Variants in GATC observed in about 807,000 individuals in gnomAD.
The protein encoded by GATC is glutamyl-tRNA(Gln) amidotransferase subunit C, mitochondrial.
A neutral mutation model predicts 14.4 loss-of-function variants in GATC; 11 were observed. The ratio of observed to expected loss-of-function variants is 0.77; its 90% CI spans 0.48 to 1.27. The LOEUF (loss-of-function observed/expected upper bound fraction) is 1.27. Ranked by LOEUF, GATC falls within the 50% of genes most tolerant of loss-of-function variation. GATC has a pLI of 0.00. For synonymous variants in GATC, 76 were observed against 79.3 expected, an observed-to-expected ratio of 0.96 and a Z score of 0.22; for missense variants, 204 against 183.0, an observed-to-expected ratio of 1.11 and a Z score of -0.66.
In GATC at chr12:120,460,219, G is replaced by T; in HGVS notation, c.*260G>T. On this transcript the variant is annotated 3_prime_UTR_variant, in exon 4 of 4. Coordinates refer to ENST00000551765, the MANE Select transcript of GATC (RefSeq NM_176818.3). The stretch of plus-strand genomic sequence containing the variant: ...GGAATTCACTTAACAGGCCTGTTCA[G>T]TATGGAAGACATTATTTATCTGCCT... 3.0e-6 allele frequency: 1 copy of T among 331,192 alleles called. No homozygotes were observed. Among genetic ancestry groups the T allele is most frequent in the Non-Finnish European group, 5.7e-6 (1 of 175,808 alleles). The allele number at this position is 331,192 out of a possible 1,614,324, so 20.5% of individuals were successfully genotyped here.
rs1373105091 is a variant in GATC, at chr12:120,462,695, A to T, written c.*2736A>T. ...CTATTATGTGACCATTTTGCCCATG[A>T]AGGAATCGAGGTCCCAAGAGTAGTT... On this transcript the variant is annotated 3_prime_UTR_variant, in exon 4 of 4. Transcript: ENST00000551765. 6.6e-6 allele frequency: 1 copy of T among 152,296 alleles called. No homozygotes were observed. The highest frequency in any genetic ancestry group is 1.5e-5 in the Non-Finnish European group (1 of 68,110). The allele number at this position is 152,296 out of a possible 1,614,324, so 9.4% of individuals were successfully genotyped here. A position where few individuals can be genotyped will look rare whatever the true frequency, so the allele number is the denominator to read the frequency against.
At chr12:120,449,916 C>T (rs1391023655) in intron 2 of GATC, among the ~76,000 whole-genome samples, 2 of 152,112 alleles carry the variant, frequency 1.3e-5, no homozygotes, top group African/African-American at 2.4e-5. Flanking sequence ...GTGCACGCCA[C>T]CACGCCCAGC....
rs35801170 is a variant in GATC at position 120,459,756 on chromosome 12, C to T, written c.359-151C>T. The T allele has an allele frequency of 0.69, 320,331 of 463,626 alleles. 112,841 individuals carry two copies. Among genetic ancestry groups the T allele is most frequent in the African/African-American group, 0.91 (44,391 of 48,640 alleles). The allele number at this position is 463,626 out of a possible 1,614,324, so 28.7% of individuals were successfully genotyped here. ...CTGTAGTCCCAGCTACTCTGGAGGCCGAGGCAGGAGAATGGCGTGAACCCC... is the reference window on the plus strand; with the variant it reads ...CTGTAGTCCCAGCTACTCTGGAGGCTGAGGCAGGAGAATGGCGTGAACCCC... On this transcript the variant is annotated intron_variant, in intron 3 of 3. Transcript: ENST00000551765.
Position 120,446,718 on chromosome 12 carries a change from T to C in GATC, c.143T>C (p.Phe48Ser). 6.2e-7 allele frequency: 1 copy of C among 1,613,834 alleles called. No individual in the cohort carries two copies. Among genetic ancestry groups the C allele is most frequent in the African/African-American group, 1.3e-5 (1 of 75,058 alleles). ...CTGGAGCGTCTAGCGCTTGTGGACTTCGGCAGCCGCGAGGCAGTGGCGCGA... is the reference window on the plus strand; with the variant it reads ...CTGGAGCGTCTAGCGCTTGTGGACTCCGGCAGCCGCGAGGCAGTGGCGCGA... ...EHLERLALVD[F>S]GSREAVARLE... The change falls in exon 2 of 4, where the codon TTC (phenylalanine) becomes TCC (serine). Residue 48 changes from phenylalanine (F) to serine (S), a missense_variant. Coordinates refer to ENST00000551765, the MANE Select transcript of GATC (RefSeq NM_176818.3).
chr12:120,458,924 G>C (rs531708164), intron 3 of GATC, among the ~76,000 whole-genome samples: 26 of 152,230 alleles, frequency 1.7e-4, no homozygotes, highest in African/African-American at 6.0e-4. Context: ...GCAGTGGCGC[G>C]ATCTCGGCTC....
At chr12:120,455,694 C>CT (rs977712544) in intron 2 of GATC, among the ~76,000 whole-genome samples, 11 of 151,020 alleles carry the variant, frequency 7.3e-5, no homozygotes, top group East Asian at 5.8e-4. Flanking sequence ...ACTTAGTTCT[C>CT]TTTTTTTTTG....
intron 2 of GATC, chr12:120,454,874 C>A (rs768903102): frequency 8.7e-6 from 2 of 228,784 alleles, no homozygotes; most frequent in South Asian, 4.6e-5. Flanking sequence ...AAAAAAAAAT[C>A]TAGTACAACT....
At chr12:120,457,045 G>A in intron 2 of GATC, 31 bp from the exon 3 acceptor site, 1 of 1,481,064 alleles carries the variant, frequency 6.8e-7, no homozygotes, top group East Asian at 2.3e-5. Flanking sequence ...CCTTCTCTGA[G>A]AGGGTAACCT....
rs1878337327 is a variant in GATC, at chr12:120,461,471, TAA to T, written c.*1515_*1516del. On this transcript the variant is annotated 3_prime_UTR_variant, in exon 4 of 4. Transcript: ENST00000551765. Reference sequence around the variant, plus strand: ...CTAATTTACAAGCTTGGCCTTGAATTAAAAGAGAACCCAGAACCCGCTCTTGG... The same window carrying T: ...CTAATTTACAAGCTTGGCCTTGAATTAAGAGAACCCAGAACCCGCTCTTGG... 1 of 152,134 alleles carries T rather than the reference TAA, an allele frequency of 6.6e-6. No individual in the cohort carries two copies. The highest frequency in any genetic ancestry group is 2.1e-4 in the South Asian group (1 of 4,820). The allele number at this position is 152,134 out of a possible 1,614,324, so 9.4% of individuals were successfully genotyped here.
chr12:120,456,884 G>T (rs991825097), intron 2 of GATC, among the ~76,000 whole-genome samples, 192 bp from the exon 3 acceptor site: 1 of 152,158 alleles, frequency 6.6e-6, no homozygotes, highest in Admixed American at 6.5e-5. Context: ...TTACTTCTCA[G>T]GGTTGTTCGG....
At position 120,457,171 on chromosome 12, in the gene GATC, C is replaced by T. The variant is rs757754380; in HGVS notation, c.350C>T (p.Ala117Val). 1 of 1,603,582 alleles carries T rather than the reference C, an allele frequency of 6.2e-7. No individual in the cohort carries two copies. The highest frequency in any genetic ancestry group is 1.1e-5 in the South Asian group (1 of 90,800). Residue 117 changes from alanine to valine, a missense_variant, in exon 3 of 4, where the codon GCC becomes GTC. Ala to Val is a moderately conservative substitution (Grantham distance 64, BLOSUM62 0). Transcript: ENST00000551765. ...SHRVVEEYFV[A>V]PPGNISLPKL... ...CGCGTCGTGGAGGAGTACTTTGTGG[C>T]CCCCCCAGGTACGTGCTGCCCAGAA...
intron 2 of GATC, among the ~76,000 whole-genome samples, chr12:120,451,754 A>C (rs1878051701): frequency 6.6e-6 from 1 of 152,064 alleles, no homozygotes; most frequent in African/African-American, 2.4e-5. Context: ...AAAAACAAAC[A>C]AACAAACAAA....
At chr12:120,456,123 G>A (rs140140302) in intron 2 of GATC, among the ~76,000 whole-genome samples, 104 of 152,254 alleles carry the variant, frequency 6.8e-4, no homozygotes, top group African/African-American at 2.3e-3. Context: ...GGCTACTACC[G>A]AATACCATAT....
In GATC at chr12:120,462,080, C is replaced by T. The variant is rs139360328; in HGVS notation, c.*2121C>T. The T allele has an allele frequency of 5.9e-5, 95 of 1,612,204 alleles. 1 individual carries two copies. Among genetic ancestry groups the T allele is most frequent in the African/African-American group, 2.8e-4 (21 of 74,904 alleles). On this transcript the variant is annotated 3_prime_UTR_variant, in exon 4 of 4. Coordinates refer to ENST00000551765, the MANE Select transcript of GATC (RefSeq NM_176818.3). ...ACCCCTGCTTTGGTATGGAGAGTCA[C>T]GGCCCCTTGACCCAGACCGAGACCG...
chr12:120,446,657 G>A lies in GATC; in HGVS notation c.82G>A (p.Gly28Ser). The A allele has an allele frequency of 6.2e-7, 1 of 1,610,406 alleles. No individual in the cohort carries two copies. Among genetic ancestry groups the A allele is most frequent in the African/African-American group, 1.3e-5 (1 of 75,062 alleles). The change falls in exon 2 of 4, where the codon GGC becomes AGC. Residue 28 changes from glycine (G) to serine (S), a missense_variant and splice_region_variant. Transcript: ENST00000551765. ...ACTCCCCGCCTCATCCCTCCTCCAG[G>A]GCAGTGGCCGGATCACGGCTGCGGT... The part of the protein sequence containing the change: ...QGFTSKADPQ[G>S]SGRITAAVIE...
intron 3 of GATC, 46 bp from the exon 4 acceptor site, chr12:120,459,861 A>AAAACAAAC: frequency 6.6e-7 from 1 of 1,526,606 alleles, no homozygotes. Flanking sequence ...TCTCAAAACA[A>AAAACAAAC]AAACAAACAA....
At position 120,455,407 on chromosome 12, in the gene GATC, G is replaced by A. The variant is rs1878156851; in HGVS notation, c.255-1669G>A. 2.6e-5 allele frequency among the ~76,000 whole-genome samples: 4 copies of A among 152,034 alleles called. No individual in the cohort carries two copies. The South Asian group carries it at 8.3e-4, about 32-fold the overall frequency. ...TGGTCTTGAACTCCTGAATTCAGGT[G>A]ATCCACCCGCCTTAGCCTTCCAAAG... On this transcript the variant is annotated intron_variant, in intron 2 of 3. Coordinates refer to ENST00000551765, the MANE Select transcript of GATC (RefSeq NM_176818.3).
At position 120,447,018 on chromosome 12, in the gene GATC, A is replaced by C. The variant is rs532942172; in HGVS notation, c.254+189A>C. 3.5e-4 allele frequency among the ~76,000 whole-genome samples: 53 copies of C among 151,786 alleles called. 1 individual carries two copies. The South Asian group carries it at 1.0e-2, about 29-fold the overall frequency. On this transcript the variant is annotated intron_variant, in intron 2 of 3. Coordinates refer to ENST00000551765, the MANE Select transcript of GATC (RefSeq NM_176818.3). ...TCATTACTGATGCTCTCGCTAGTGT[A>C]AGTGGAAACAAAACCCGAACTGCTA...
At chr12:120,459,824 T>A (rs1878283687) in intron 3 of GATC, 83 bp from the exon 4 acceptor site, 8 of 1,066,616 alleles carry the variant, frequency 7.5e-6, no homozygotes, top group Non-Finnish European at 1.1e-5. Context: ...GCCACTGCAC[T>A]CCAGCCTGGG....
Sources: allele counts gnomAD v4.1 joint callset (sites outside exome capture counted in the v4.1 genomes callset), GRCh38; gene constraint gnomAD v4.1.1; transcripts MANE v1.5; gene names NCBI Gene and HGNC (gene_info 2026-07-23, HGNC 2026-07-21).